Variants in SLC9A9 observed in about 807,000 individuals in gnomAD.
SLC9A9 encodes solute carrier family 9 member A9.
A neutral mutation model predicts 77.8 loss-of-function variants in SLC9A9; 62 were observed. The ratio of observed to expected loss-of-function variants is 0.80; its 90% CI spans 0.65 to 0.98. The LOEUF (loss-of-function observed/expected upper bound fraction) is 0.98, where lower values mean the gene tolerates loss of function less well. SLC9A9 is among the 50% of genes least tolerant of loss of function. The pLI, the probability that SLC9A9 is intolerant of heterozygous loss-of-function variation, is 0.00. For missense variants in SLC9A9, 775 were observed against 774.9 expected (o/e 1.00, Z 0.00); for synonymous variants, 320 against 283.5 (o/e 1.13, Z -1.29).
intron 4 of SLC9A9, among the ~76,000 whole-genome samples, chr3:143,780,231 T>C (rs557231776): frequency 6.6e-6 from 1 of 152,186 alleles, no homozygotes; most frequent in African/African-American, 2.4e-5. Context: ...AAAAAATCAA[T>C]AGGAAAAACT....
Position 143,848,128 on chromosome 3 carries a change from C to G in SLC9A9, c.175+20G>C. On this transcript the variant is annotated intron_variant, in intron 1 of 15. Coordinates refer to ENST00000316549, the MANE Select transcript of SLC9A9 (RefSeq NM_173653.4). ...CTCAAGCAACAAGTTTCACATCAAT[C>G]TCACAATTTATGCACTCACCATACA... 6.2e-7 allele frequency: 1 copy of G among 1,607,366 alleles called. No homozygotes were observed. The highest frequency in any genetic ancestry group is 8.5e-7 in the Non-Finnish European group (1 of 1,173,944).
chr3:143,440,095 C>T (rs562920030), intron 12 of SLC9A9, among the ~76,000 whole-genome samples: 1 of 152,302 alleles, frequency 6.6e-6, no homozygotes, highest in Non-Finnish European at 1.5e-5. Flanking sequence ...AGGAAAGGGA[C>T]AGTTAAGAAA....
intron 14 of SLC9A9, among the ~76,000 whole-genome samples, chr3:143,302,248 T>C (rs2030555246): frequency 6.6e-6 from 1 of 152,184 alleles, no homozygotes; most frequent in Admixed American, 6.5e-5. Context: ...CTCTGGATGA[T>C]TGCCCTAGTA....
rs2033646551 is a variant in SLC9A9 at position 143,394,374 on chromosome 3, C to T, written c.1470-12260G>A. On this transcript the variant is annotated intron_variant, in intron 12 of 15. Transcript: ENST00000316549. ...AACCATATGATTATCCCAATAGAAG[C>T]AGAAAAGGCCTTTGACAAAATTCAA... Among the ~76,000 whole-genome samples the T allele has an allele frequency of 3.3e-5, 5 of 152,276 alleles. No homozygotes were observed. In the South Asian group the frequency reaches 1.0e-3, roughly 32 times the overall value.
intron 11 of SLC9A9, among the ~76,000 whole-genome samples, chr3:143,483,952 G>A (rs1013255343): frequency 2.0e-5 from 3 of 152,126 alleles, no homozygotes; most frequent in Non-Finnish European, 4.4e-5. Flanking sequence ...CCAAGAAAGT[G>A]CATCAATAAA....
intron 4 of SLC9A9, among the ~76,000 whole-genome samples, chr3:143,783,587 C>T (rs1456343508): frequency 6.6e-6 from 1 of 152,048 alleles, no homozygotes; most frequent in African/African-American, 2.4e-5. Flanking sequence ...GGATTAACTA[C>T]AGCTAAAACT....
intron 4 of SLC9A9, among the ~76,000 whole-genome samples, chr3:143,702,551 CA>C (rs34465744): frequency 0.65 from 98,515 of 150,610 alleles, 32,370 homozygotes; most frequent in East Asian, 0.88. Flanking sequence ...AACTGCAAAT[CA>C]AAAAAAAATA....
At chr3:143,540,214 A>G (rs777743260) in intron 9 of SLC9A9, among the ~76,000 whole-genome samples, 5 of 152,160 alleles carry the variant, frequency 3.3e-5, no homozygotes, top group Non-Finnish European at 5.9e-5. Flanking sequence ...AGAATAAAAC[A>G]ACAATAACAT....
intron 12 of SLC9A9, among the ~76,000 whole-genome samples, chr3:143,386,023 T>C (rs2033416520): frequency 6.6e-6 from 1 of 152,204 alleles, no homozygotes; most frequent in Non-Finnish European, 1.5e-5. Flanking sequence ...ACTTGTGCGA[T>C]ACCCTGCCTT....
At chr3:143,560,732 A>AC (rs2037070071) in intron 8 of SLC9A9, among the ~76,000 whole-genome samples, 1 of 151,832 alleles carries the variant, frequency 6.6e-6, no homozygotes, top group Non-Finnish European at 1.5e-5. Flanking sequence ...TTTCCTTCAA[A>AC]AAAAAAAGGA....
intron 9 of SLC9A9, among the ~76,000 whole-genome samples, chr3:143,519,365 A>C (rs889413842): frequency 3.3e-5 from 5 of 152,100 alleles, no homozygotes; most frequent in African/African-American, 1.2e-4. Flanking sequence ...GAAGAGGGAC[A>C]CTCTAGTTAT....
At chr3:143,538,486 A>T (rs552209589) in intron 9 of SLC9A9, among the ~76,000 whole-genome samples, 1 of 152,340 alleles carries the variant, frequency 6.6e-6, no homozygotes, top group Non-Finnish European at 1.5e-5. Flanking sequence ...ATTTAAGAAC[A>T]CCTGAATAAG....
intron 6 of SLC9A9, among the ~76,000 whole-genome samples, chr3:143,615,537 T>C (rs1001467947): frequency 1.8e-4 from 27 of 152,214 alleles, no homozygotes; most frequent in African/African-American, 5.8e-4. Context: ...CATCAGACTG[T>C]GTCTAAGACT....
chr3:143,733,734 T>C (rs949846529), intron 4 of SLC9A9, among the ~76,000 whole-genome samples: 1 of 151,792 alleles, frequency 6.6e-6, no homozygotes, highest in South Asian at 2.1e-4. Flanking sequence ...GGATCAAGGA[T>C]GAGAAAGTAT....
chr3:143,728,334 T>C (rs1934714706), intron 4 of SLC9A9, among the ~76,000 whole-genome samples: 1 of 151,906 alleles, frequency 6.6e-6, no homozygotes, highest in East Asian at 1.9e-4. Flanking sequence ...GAAGCTGCAA[T>C]GAGAAGGATA....
intron 8 of SLC9A9, among the ~76,000 whole-genome samples, chr3:143,565,148 G>C (rs1042610744): frequency 1.3e-5 from 2 of 152,128 alleles, no homozygotes; most frequent in Non-Finnish European, 1.5e-5. Context: ...TTCTACCCTT[G>C]TGTGGAATTC....
chr3:143,408,985 G>A (rs1438782965), intron 12 of SLC9A9, among the ~76,000 whole-genome samples: 2 of 152,216 alleles, frequency 1.3e-5, no homozygotes, highest in Non-Finnish European at 2.9e-5. Flanking sequence ...TGCCGGGACC[G>A]CATTTTGACA....
At chr3:143,435,303 T>C (rs1370994757) in intron 12 of SLC9A9, among the ~76,000 whole-genome samples, 1 of 152,218 alleles carries the variant, frequency 6.6e-6, no homozygotes, top group Non-Finnish European at 1.5e-5. Context: ...CCAATTCACC[T>C]GATTCTCTGA....
intron 4 of SLC9A9, among the ~76,000 whole-genome samples, chr3:143,767,886 A>G (rs2007377170): frequency 6.6e-6 from 1 of 152,180 alleles, no homozygotes; most frequent in South Asian, 2.1e-4. Context: ...GGTAGTAATT[A>G]TGTCTCTCAC....
Sources: allele counts gnomAD v4.1 joint callset (sites outside exome capture counted in the v4.1 genomes callset), GRCh38; gene constraint gnomAD v4.1.1; transcripts MANE v1.5; gene names NCBI Gene and HGNC (gene_info 2026-07-23, HGNC 2026-07-21).